Variants in AFP observed in about 807,000 individuals in gnomAD.
The protein encoded by AFP is alpha-fetoprotein.
In AFP, 64 loss-of-function variants were observed where a neutral mutation model predicts 78.9. That is an observed-to-expected ratio of 0.81 (90% CI 0.66 to 1.00). The LOEUF is 1.00. Ranked by LOEUF, AFP falls within the 50% of genes least tolerant of loss-of-function variation. The probability of loss-of-function intolerance (pLI) is 0.00; values close to 1 mark genes in which losing one functional copy is unlikely to be tolerated. For synonymous variants in AFP, 254 were observed against 243.8 expected, an observed-to-expected ratio of 1.04 and a Z score of -0.39; for missense variants, 689 against 703.8, an observed-to-expected ratio of 0.98 and a Z score of 0.24.
At chr4:73,455,608 A>G in intron 14 of AFP, 23 bp from the exon 15 acceptor site, 2 of 686,966 alleles carry the variant, frequency 2.9e-6, no homozygotes, top group Non-Finnish European at 2.6e-6. Context: ...TTAGTATTTA[A>G]TATATTTTTG....
At chr4:73,436,621 T>C (rs1048514380) in intron 1 of AFP, among the ~76,000 whole-genome samples, 13 of 151,564 alleles carry the variant, frequency 8.6e-5, no homozygotes, top group African/African-American at 2.9e-4. Context: ...TTTGAAAAAT[T>C]ATATATATAC....
intron 3 of AFP, among the ~76,000 whole-genome samples, chr4:73,438,759 G>A (rs566717894): frequency 3.3e-5 from 5 of 152,264 alleles, no homozygotes; most frequent in Admixed American, 6.5e-5. Context: ...GGGATAGATA[G>A]CACTGATGAA....
At chr4:73,448,980 G>A (rs1416777822) in intron 8 of AFP, among the ~76,000 whole-genome samples, 1 of 152,092 alleles carries the variant, frequency 6.6e-6, no homozygotes, top group African/African-American at 2.4e-5. Flanking sequence ...GTGCTTTTCA[G>A]AGGGCAGGTA....
intron 3 of AFP, 150 bp from the exon 4 acceptor site, chr4:73,440,452 C>T: frequency 1.5e-6 from 1 of 662,434 alleles, no homozygotes; most frequent in Non-Finnish European, 2.6e-6. Flanking sequence ...TCTATTTCAT[C>T]AGGCTGAAAC....
intron 6 of AFP, 42 bp from the exon 7 acceptor site, chr4:73,444,951 G>A: frequency 1.3e-6 from 2 of 1,530,946 alleles, no homozygotes; most frequent in South Asian, 2.3e-5. Flanking sequence ...TATTTTGACA[G>A]ATAACCAAGA....
intron 9 of AFP, 83 bp downstream of exon 9, chr4:73,449,550 T>C: frequency 1.3e-6 from 2 of 1,517,996 alleles, no homozygotes; most frequent in South Asian, 2.3e-5. Context: ...TGAAAGCCTC[T>C]AGTTTTCAAC....
chr4:73,447,476 C>T lies in AFP; in HGVS notation c.858C>T (p.Ser286=), dbSNP rs28482344. 23,011 of 1,608,108 alleles carry T rather than the reference C, an allele frequency of 0.014. 210 individuals carry two copies. The highest frequency in any genetic ancestry group is 0.018 in the Non-Finnish European group (20,902 of 1,176,888). Residue 286 remains serine (S), a synonymous_variant, in exon 8 of 15, where the codon TCC becomes TCT. Coordinates refer to ENST00000395792, the MANE Select transcript of AFP (RefSeq NM_001134.3). ...CTCTGTTGCAGGAAAAAATCATGTCCTACATATGTTCTCAACAAGACACTC... is the reference window on the plus strand; with the variant it reads ...CTCTGTTGCAGGAAAAAATCATGTCTTACATATGTTCTCAACAAGACACTC... ...DCLQDGEKIM[S]YICSQQDTLS... is the part of the protein sequence containing the mutation.
chr4:73,441,383 G>A (rs1389679773), intron 4 of AFP, among the ~76,000 whole-genome samples: 109 of 151,578 alleles, frequency 7.2e-4, no homozygotes, highest in African/African-American at 2.4e-3. Context: ...TGGCTAACAT[G>A]GTGAAACCCC....
At chr4:73,437,093 T>G in intron 1 of AFP, 67 bp from the exon 2 acceptor site, 3 of 1,181,504 alleles carry the variant, frequency 2.5e-6, no homozygotes. Context: ...AACATTCATA[T>G]GTAACAATGA....
chr4:73,447,538 C>T lies in AFP; in HGVS notation c.920C>T (p.Thr307Met), dbSNP rs760761382. The T allele has an allele frequency of 1.8e-5, 29 of 1,612,730 alleles. No homozygotes were observed. Among genetic ancestry groups the T allele is most frequent in the East Asian group, 1.6e-4 (7 of 44,880 alleles). The change falls in exon 8 of 15, where the codon ACG becomes ATG. Residue 307 changes from threonine (T) to methionine (M), a missense_variant. Physicochemically the swap from Thr to Met is moderately conservative, Grantham distance 81 (BLOSUM62 -1). Transcript: ENST00000395792. ...NKITECCKLT[T>M]LERGQCIIHA... is the part of the protein sequence containing the mutation. ...ATAACAGAATGCTGCAAACTGACCACGCTGGAACGTGGTCAATGTATAATT... is the reference window on the plus strand; with the variant it reads ...ATAACAGAATGCTGCAAACTGACCATGCTGGAACGTGGTCAATGTATAATT...
intron 12 of AFP, among the ~76,000 whole-genome samples, chr4:73,453,226 T>C (rs1181906588): frequency 6.6e-6 from 1 of 152,242 alleles, no homozygotes; most frequent in South Asian, 2.1e-4. Context: ...TTTTTTCCTC[T>C]ATCACAGTCT....
chr4:73,455,287 T>G lies in AFP; in HGVS notation c.*7T>G. On this transcript the variant is annotated 3_prime_UTR_variant, in exon 14 of 15. Transcript: ENST00000395792. ...TGCTGCTTTGGGAGTTTAAATTACT[T>G]CAGGTAACAAAACATTCAGACAAGC... The G allele has an allele frequency of 6.2e-7, 1 of 1,611,014 alleles. No homozygotes were observed. The highest frequency in any genetic ancestry group is 8.5e-7 in the Non-Finnish European group (1 of 1,177,584).
At chr4:73,453,998 C>T (rs1451522275) in intron 13 of AFP, 101 bp downstream of exon 13, 2 of 1,402,968 alleles carry the variant, frequency 1.4e-6, no homozygotes, top group Non-Finnish European at 2.0e-6. Flanking sequence ...AAAATATTTT[C>T]AGAGAGATTT....
At chr4:73,446,056 C>T (rs987581666) in intron 7 of AFP, among the ~76,000 whole-genome samples, 1 of 152,168 alleles carries the variant, frequency 6.6e-6, no homozygotes, top group Non-Finnish European at 1.5e-5. Flanking sequence ...AGATAAAATG[C>T]TCATTTCAGC....
At chr4:73,451,844 G>A (rs773430440) in intron 11 of AFP, among the ~76,000 whole-genome samples, 14 of 152,136 alleles carry the variant, frequency 9.2e-5, no homozygotes, top group Non-Finnish European at 1.5e-4. Context: ...TTATTACTAG[G>A]TGATTAAGAA....
chr4:73,439,471 A>G (rs1289912496), intron 3 of AFP, among the ~76,000 whole-genome samples: 2 of 152,224 alleles, frequency 1.3e-5, no homozygotes, highest in African/African-American at 2.4e-5. Context: ...TACATTATCT[A>G]TTGCAACTTT....
At chr4:73,452,931 A>G (rs1228035049) in intron 12 of AFP, among the ~76,000 whole-genome samples, 1 of 152,218 alleles carries the variant, frequency 6.6e-6, no homozygotes, top group African/African-American at 2.4e-5. Flanking sequence ...ATTAGAGTGT[A>G]TCTTTGCAGC....
Position 73,449,366 on chromosome 4 carries a change from C to T in AFP, c.1090C>T (p.Gln364Ter). ...FVHEYSRRHP[Q>*]LAVSVILRVA... ...TCATGAATATTCAAGAAGACATCCTCAGCTTGCTGTCTCAGTAATTCTAAG... is the reference window on the plus strand; with the variant it reads ...TCATGAATATTCAAGAAGACATCCTTAGCTTGCTGTCTCAGTAATTCTAAG... The change falls in exon 9 of 15, where the codon CAG (glutamine) becomes TAG (stop). Residue 364 changes from glutamine (Q) to a stop codon, truncating the protein, a stop_gained. Coordinates refer to ENST00000395792, the MANE Select transcript of AFP (RefSeq NM_001134.3). LOFTEE classifies it high-confidence loss of function. The T allele has an allele frequency of 6.2e-7, 1 of 1,613,234 alleles. No homozygotes were observed. Among genetic ancestry groups the T allele is most frequent in the Non-Finnish European group, 8.5e-7 (1 of 1,179,384 alleles).
chr4:73,447,331 C>T, intron 7 of AFP, 131 bp from the exon 8 acceptor site: 4 of 575,838 alleles, frequency 6.9e-6, no homozygotes, highest in Non-Finnish European at 1.2e-5. Context: ...TCCTTCTTTC[C>T]TGGCCTTTTT....
Sources: gnomAD v4.1 joint callset for allele counts (sites outside exome capture counted in the v4.1 genomes callset) on GRCh38, gnomAD v4.1.1 for gene constraint, MANE v1.5 for transcripts, NCBI Gene and HGNC (gene_info 2026-07-23, HGNC 2026-07-21) for gene names.